LRRC4C: variants seen among roughly 807,000 people sequenced by gnomAD.
The protein encoded by LRRC4C is leucine rich repeat containing 4C, also known as leucine-rich repeat-containing protein 4C.
In LRRC4C, 5 loss-of-function variants were observed where a neutral mutation model predicts 33.6. The observed-to-expected ratio is 0.15, with a 90% CI of 0.08 to 0.31. The LOEUF (loss-of-function observed/expected upper bound fraction) is 0.31. LRRC4C is among the 10% of genes least tolerant of loss of function. The pLI is 1.00. For synonymous variants in LRRC4C, 329 were observed against 302.0 expected (o/e 1.09, Z -0.93); for missense variants, 560 against 796.7 (o/e 0.70, Z 3.58).
At chr11:40,947,847 T>C (rs1958477569) in intron 1 of LRRC4C, among the ~76,000 whole-genome samples, 3 of 152,112 alleles carry the variant, frequency 2.0e-5, no homozygotes, top group African/African-American at 7.2e-5. Context: ...GCCTGGAAAC[T>C]CTCTCAATAA....
At chr11:40,966,360 T>C (rs1378308245) in intron 1 of LRRC4C, among the ~76,000 whole-genome samples, 6 of 151,838 alleles carry the variant, frequency 4.0e-5, no homozygotes, top group Admixed American at 3.3e-4. Context: ...CCCACTGAGG[T>C]TCTGTTCTTG....
chr11:40,618,509 G>A (rs902745988), intron 3 of LRRC4C, among the ~76,000 whole-genome samples: 16 of 151,468 alleles, frequency 1.1e-4, no homozygotes, highest in South Asian at 2.1e-4. Context: ...TAATTTTTAC[G>A]GTACCCCAAA....
At chr11:41,171,537 T>A (rs1252171241) in intron 1 of LRRC4C, among the ~76,000 whole-genome samples, 1 of 136,846 alleles carries the variant, frequency 7.3e-6, no homozygotes, top group African/African-American at 2.8e-5. Context: ...CACTCATAGG[T>A]GGGAATTGAA....
chr11:40,527,751 A>C (rs1956112250), intron 3 of LRRC4C, among the ~76,000 whole-genome samples: 1 of 148,938 alleles, frequency 6.7e-6, no homozygotes, highest in African/African-American at 2.6e-5. Flanking sequence ...TACAGTTAGA[A>C]GATAATTTTT....
At chr11:40,683,296 A>G (rs1441273764) in intron 2 of LRRC4C, among the ~76,000 whole-genome samples, 2 of 148,986 alleles carry the variant, frequency 1.3e-5, no homozygotes, top group Non-Finnish European at 2.9e-5. Context: ...TCATACCCAC[A>G]TGACACTGTG....
chr11:40,208,714 T>A (rs917211230), intron 5 of LRRC4C, among the ~76,000 whole-genome samples: 4 of 152,220 alleles, frequency 2.6e-5, no homozygotes, highest in Non-Finnish European at 5.9e-5. Flanking sequence ...ATACCTCATA[T>A]ATAACATATG....
intron 4 of LRRC4C, among the ~76,000 whole-genome samples, chr11:40,310,049 T>G (rs987605012): frequency 6.6e-6 from 1 of 152,146 alleles, no homozygotes; most frequent in Non-Finnish European, 1.5e-5. Context: ...CTAACTCGGT[T>G]AGCTTGGGAG....
intron 1 of LRRC4C, among the ~76,000 whole-genome samples, chr11:41,344,471 C>T (rs969517286): frequency 2.6e-5 from 4 of 152,122 alleles, no homozygotes; most frequent in Admixed American, 1.3e-4. Flanking sequence ...CCGCCCGCCT[C>T]GGCCTCCCAA....
intron 2 of LRRC4C, among the ~76,000 whole-genome samples, chr11:40,913,090 T>A (rs1956775409): frequency 6.6e-6 from 1 of 152,066 alleles, no homozygotes; most frequent in Admixed American, 6.6e-5. Context: ...TCCCACACAA[T>A]AATAATGGGA....
At chr11:41,001,899 C>T (rs1433429517) in intron 1 of LRRC4C, among the ~76,000 whole-genome samples, 2 of 151,240 alleles carry the variant, frequency 1.3e-5, no homozygotes, top group African/African-American at 4.9e-5. Context: ...GGATTCCTAC[C>T]GACACTGTAG....
rs187535457 is a variant in LRRC4C, at chr11:41,027,552, G to A, written c.-495-93829C>T. On this transcript the variant is annotated intron_variant, in intron 1 of 6. Transcript: ENST00000528697. ...GTTAAATCATCACAATAATTTTAAC[G>A]TTAAAACATTTTTATGCAGTTACAA... 1.2e-4 allele frequency among the ~76,000 whole-genome samples: 18 copies of A among 151,632 alleles called. 1 individual carries two copies. Among genetic ancestry groups the A allele is most frequent in the East Asian group, 7.7e-4 (4 of 5,162 alleles).
At chr11:41,389,509 G>GTTTTATTTGTTC (rs1953497605) in intron 1 of LRRC4C, among the ~76,000 whole-genome samples, 1 of 151,688 alleles carries the variant, frequency 6.6e-6, no homozygotes, top group Non-Finnish European at 1.5e-5. Context: ...GTCACTGGGT[G>GTTTTATTTGTTC]CTTGAGGGGA....
rs199992857 is a variant in LRRC4C, at chr11:40,760,880, AAT to A, written c.-406-112604_-406-112603del. Reference sequence around the variant, plus strand: ...GTATATATGTATGTATATTATATATAATATATATATATAAATATATATTATAT... The same window carrying A: ...GTATATATGTATGTATATTATATATAATATATATATAAATATATATTATAT... On this transcript the variant is annotated intron_variant, in intron 2 of 6. Transcript: ENST00000528697. Among the ~76,000 whole-genome samples, 10 of 145,970 alleles carry A rather than the reference AAT, an allele frequency of 6.9e-5. No individual in the cohort carries two copies. In the East Asian group the frequency reaches 7.9e-4, roughly 12 times the overall value.
intron 3 of LRRC4C, among the ~76,000 whole-genome samples, chr11:40,440,032 T>A (rs1951321203): frequency 2.0e-5 from 3 of 152,238 alleles, no homozygotes; most frequent in Admixed American, 2.0e-4. Flanking sequence ...ATGACACAGT[T>A]GAACAGTTGC....
intron 2 of LRRC4C, among the ~76,000 whole-genome samples, chr11:40,792,608 A>T (rs1157784708): frequency 6.6e-6 from 1 of 152,072 alleles, no homozygotes; most frequent in African/African-American, 2.4e-5. Flanking sequence ...AACTAGAAAT[A>T]CCATTTGACC....
rs1958291330 is a variant in LRRC4C at position 40,578,140 on chromosome 11, GGTTTTT to G, written c.-270+69996_-270+70001del. Among the ~76,000 whole-genome samples, 12 of 40,574 alleles carry G rather than the reference GGTTTTT, an allele frequency of 3.0e-4. 2 individuals carry two copies. The highest frequency in any genetic ancestry group is 4.8e-4 in the East Asian group (1 of 2,066). 26.6% of individuals were successfully genotyped at this position (40,574 alleles called of 152,430 possible). ...TGATATTATTGGACTTTTTTTTTTC[GGTTTTT>G]TTTTTTTTTTTTTTTTTTTTTTTTG... On this transcript the variant is annotated intron_variant, in intron 3 of 6. Coordinates refer to ENST00000528697, the MANE Select transcript of LRRC4C (RefSeq NM_001258419.2).
intron 1 of LRRC4C, among the ~76,000 whole-genome samples, chr11:41,383,718 G>A (rs1282584404): frequency 6.6e-6 from 1 of 151,750 alleles, no homozygotes; most frequent in Non-Finnish European, 1.5e-5. Flanking sequence ...ACAGGGCAGA[G>A]CATTTCATGA....
chr11:40,880,783 A>T (rs1955134586), intron 2 of LRRC4C, among the ~76,000 whole-genome samples: 1 of 151,258 alleles, frequency 6.6e-6, no homozygotes, highest in Non-Finnish European at 1.5e-5. Flanking sequence ...TGATAAAGCT[A>T]CTGGGCTTCC....
intron 2 of LRRC4C, among the ~76,000 whole-genome samples, chr11:40,743,098 G>T (rs937333731): frequency 6.6e-6 from 1 of 151,974 alleles, no homozygotes; most frequent in East Asian, 1.9e-4. Context: ...TAAAAATATT[G>T]TACGAATGTC....
Sources: allele counts gnomAD v4.1 joint callset (sites outside exome capture counted in the v4.1 genomes callset), GRCh38; gene constraint gnomAD v4.1.1; transcripts MANE v1.5; gene names NCBI Gene and HGNC (gene_info 2026-07-23, HGNC 2026-07-21).